The following UQCRFS1 variants were observed in gnomAD, a reference collection of about 807,000 sequenced individuals.
UQCRFS1 encodes the protein ubiquinol-cytochrome c reductase, Rieske iron-sulfur polypeptide 1, also known as cytochrome b-c1 complex subunit Rieske, mitochondrial.
UQCRFS1 carries 6 observed loss-of-function variants against 15.6 expected under a neutral mutation model. The observed-to-expected ratio is 0.38, with a 90% CI of 0.21 to 0.76. The LOEUF (loss-of-function observed/expected upper bound fraction) is 0.76, where lower values mean the gene tolerates loss of function less well. Ranked by LOEUF, UQCRFS1 falls within the 30% of genes least tolerant of loss-of-function variation. The pLI is 0.44. For missense variants in UQCRFS1, 203 were observed against 366.7 expected, an observed-to-expected ratio of 0.55 and a Z score of 3.65; for synonymous variants, 105 against 154.3, an observed-to-expected ratio of 0.68 and a Z score of 2.37.
intron 1 of UQCRFS1, among the ~76,000 whole-genome samples, chr19:29,210,444 C>T (rs1053566790): frequency 6.6e-6 from 1 of 151,874 alleles, no homozygotes; most frequent in East Asian, 1.9e-4. Flanking sequence ...ATGTGCCATG[C>T]TGGTGTGCTG....
chr19:29,211,736 A>T (rs1976652425), intron 1 of UQCRFS1, among the ~76,000 whole-genome samples: 1 of 152,242 alleles, frequency 6.6e-6, no homozygotes, highest in Admixed American at 6.5e-5. Context: ...ACATGTAGCA[A>T]CTTAGTGGAA....
Position 29,208,020 on chromosome 19 carries a change from G to A in UQCRFS1, c.353C>T (p.Thr118Ile). The change falls in exon 2 of 2, where the codon ACT (threonine) becomes ATT (isoleucine). Residue 118 changes from threonine to isoleucine, a missense_variant. By Grantham distance (89) the Thr-to-Ile change is moderately conservative. Around this residue, in one of 3 missense-constraint regions of UQCRFS1, gnomAD observed 92 missense variants for 120.5 expected, o/e 0.76. Coordinates refer to ENST00000304863, the MANE Select transcript of UQCRFS1 (RefSeq NM_006003.3). ...TGCGACACCCACAGTAGTTACTCCA[G>A]TTACCAAATAGGAGAAACCTTTCCT... ...EARKGFSYLVTGVTTVGVAYA... is the reference protein window; with the variant it reads ...EARKGFSYLVIGVTTVGVAYA... 6.2e-7 allele frequency: 1 copy of A among 1,614,038 alleles called. No homozygotes were observed. Among genetic ancestry groups the A allele is most frequent in the Non-Finnish European group, 8.5e-7 (1 of 1,179,882 alleles).
chr19:29,212,321 C>T (rs1479259246), intron 1 of UQCRFS1, among the ~76,000 whole-genome samples: 1 of 151,770 alleles, frequency 6.6e-6, no homozygotes, highest in Non-Finnish European at 1.5e-5. Context: ...AATCTCTGCC[C>T]GTCCTTGACG....
At position 29,205,599 on chromosome 19, in the gene UQCRFS1, A is replaced by G. The variant is rs539892192; in HGVS notation, c.*1949T>C. ...ATAATGAAAACACTTGGCTCTCAAG[A>G]TTGTCCCAAGAATTATCCCCAATAA... On this transcript the variant is annotated 3_prime_UTR_variant, in exon 2 of 2. Coordinates refer to ENST00000304863, the MANE Select transcript of UQCRFS1 (RefSeq NM_006003.3). 6.6e-6 allele frequency: 1 copy of G among 152,250 alleles called. No individual in the cohort carries two copies. The highest frequency in any genetic ancestry group is 1.5e-5 in the Non-Finnish European group (1 of 68,046). The allele number at this position is 152,250 out of a possible 1,614,324, so 9.4% of individuals were successfully genotyped here. A position where few individuals can be genotyped will look rare whatever the true frequency, so the allele number is the denominator to read the frequency against.
intron 1 of UQCRFS1, among the ~76,000 whole-genome samples, chr19:29,209,010 G>A (rs945445873): frequency 3.9e-5 from 6 of 152,062 alleles, no homozygotes; most frequent in African/African-American, 1.4e-4. Context: ...CTCAACTGGG[G>A]CACTTCTAGT....
intron 1 of UQCRFS1, among the ~76,000 whole-genome samples, chr19:29,211,617 T>C (rs1976650231): frequency 6.6e-6 from 1 of 152,176 alleles, no homozygotes; most frequent in Non-Finnish European, 1.5e-5. Flanking sequence ...ATAAACACAA[T>C]ACAGAGTGTA....
Position 29,206,782 on chromosome 19 carries a change from T to C in UQCRFS1, c.*766A>G, listed in dbSNP as rs987841902. Reference sequence around the variant, plus strand: ...TCCTGATAGAGTGGATGCAGGAACTTTGGGGACATGATGAACCACACACAA... The same window carrying C: ...TCCTGATAGAGTGGATGCAGGAACTCTGGGGACATGATGAACCACACACAA... On this transcript the variant is annotated 3_prime_UTR_variant, in exon 2 of 2. Transcript: ENST00000304863. 5.3e-5 allele frequency: 8 copies of C among 152,176 alleles called. No individual in the cohort carries two copies. The highest frequency in any genetic ancestry group is 1.0e-4 in the Non-Finnish European group (7 of 68,028). The allele number at this position is 152,176 out of a possible 1,614,324, so 9.4% of individuals were successfully genotyped here. A position where few individuals can be genotyped will look rare whatever the true frequency, so the allele number is the denominator to read the frequency against.
chr19:29,209,386 T>C (rs1373243255), intron 1 of UQCRFS1, among the ~76,000 whole-genome samples: 1 of 152,210 alleles, frequency 6.6e-6, no homozygotes, highest in Non-Finnish European at 1.5e-5. Context: ...TACTAGGATA[T>C]CATCCTAATA....
In UQCRFS1 at chr19:29,213,082, G is replaced by C; in HGVS notation, c.37C>G (p.Pro13Ala). 1 of 1,495,624 alleles carries C rather than the reference G, an allele frequency of 6.7e-7. No homozygotes were observed. Among genetic ancestry groups the C allele is most frequent in the Non-Finnish European group, 8.8e-7 (1 of 1,131,150 alleles). 92.6% of individuals were successfully genotyped at this position (1,495,624 alleles called of 1,614,324 possible). The change falls in exon 1 of 2, where the codon CCC becomes GCC. Residue 13 changes from proline (P) to alanine (A), a missense_variant. Around this residue, in one of 3 missense-constraint regions of UQCRFS1, gnomAD observed 20 missense variants for 59.3 expected, o/e 0.34. Coordinates refer to ENST00000304863, the MANE Select transcript of UQCRFS1 (RefSeq NM_006003.3). Reference sequence around the variant, plus strand: ...CCGCGGGACGTGGCCGACAGGACGGGCGCGAACGGGCCTGAGCGGGATGCT... The same window carrying C: ...CCGCGGGACGTGGCCGACAGGACGGCCGCGAACGGGCCTGAGCGGGATGCT... ...SVASRSGPFA[P>A]VLSATSRGVA... is the part of the protein sequence containing the mutation.
In UQCRFS1 at chr19:29,207,653, C is replaced by T. The variant is rs1453239119; in HGVS notation, c.720G>A (p.Gly240=). The change falls in exon 2 of 2, where the codon GGG becomes GGA. Residue 240 remains glycine (G), a synonymous_variant. Coordinates refer to ENST00000304863, the MANE Select transcript of UQCRFS1 (RefSeq NM_006003.3). The part of the protein sequence containing the change: ...DFGGYYCPCH[G]SHYDASGRIR... ...TCCTGCCAGATGCATCATAGTGTGACCCATGGCAAGGGCAGTAATAACCAC... is the reference window on the plus strand; with the variant it reads ...TCCTGCCAGATGCATCATAGTGTGATCCATGGCAAGGGCAGTAATAACCAC... 1.2e-6 allele frequency: 2 copies of T among 1,613,840 alleles called. No homozygotes were observed. Among genetic ancestry groups the T allele is most frequent in the Non-Finnish European group, 1.7e-6 (2 of 1,179,878 alleles).
rs1411646991 is a variant in UQCRFS1 at position 29,206,562 on chromosome 19, G to A, written c.*986C>T. On this transcript the variant is annotated 3_prime_UTR_variant, in exon 2 of 2. Transcript: ENST00000304863. ...TGGACCTTAGTCTTGTTTCACCTGT[G>A]TAATTGGAGGCAGAATAGGATGTGA... 6.6e-6 allele frequency: 1 copy of A among 152,218 alleles called. No homozygotes were observed. The highest frequency in any genetic ancestry group is 1.5e-5 in the Non-Finnish European group (1 of 68,046). 9.4% of individuals were successfully genotyped at this position (152,218 alleles called of 1,614,324 possible).
chr19:29,210,661 C>A (rs1302543730), intron 1 of UQCRFS1, among the ~76,000 whole-genome samples: 1 of 152,122 alleles, frequency 6.6e-6, no homozygotes, highest in Non-Finnish European at 1.5e-5. Context: ...TTTCCAATTT[C>A]ATCCATGTCC....
chr19:29,211,949 T>A (rs1484232556), intron 1 of UQCRFS1, among the ~76,000 whole-genome samples: 1 of 152,184 alleles, frequency 6.6e-6, no homozygotes, highest in African/African-American at 2.4e-5. Context: ...GGGCGGCCAC[T>A]ACACAGCACA....
chr19:29,211,345 C>A (rs62109286), intron 1 of UQCRFS1, among the ~76,000 whole-genome samples: 2 of 152,180 alleles, frequency 1.3e-5, no homozygotes, highest in Non-Finnish European at 2.9e-5. Flanking sequence ...TTTAGCAACA[C>A]GACGAATTCC....
At chr19:29,211,915 G>A (rs921367238) in intron 1 of UQCRFS1, among the ~76,000 whole-genome samples, 1 of 152,220 alleles carries the variant, frequency 6.6e-6, no homozygotes, top group Admixed American at 6.5e-5. Context: ...ACAAACTGGA[G>A]AAGACCACTT....
At chr19:29,212,776 T>A in intron 1 of UQCRFS1, 129 bp downstream of exon 1, 1 of 1,011,642 alleles carries the variant, frequency 9.9e-7, no homozygotes, top group Non-Finnish European at 1.3e-6. Context: ...AGGCCCAGAG[T>A]TGCGGAGGCC....
intron 1 of UQCRFS1, among the ~76,000 whole-genome samples, chr19:29,208,575 A>T (rs917483784): frequency 2.6e-5 from 4 of 152,220 alleles, no homozygotes; most frequent in Non-Finnish European, 5.9e-5. Context: ...TACTCTCTGG[A>T]TTAGAAGGAC....
chr19:29,208,057 T>A lies in UQCRFS1; in HGVS notation c.316A>T (p.Ser106Cys). The change falls in exon 2 of 2, where the codon AGC becomes TGC. Residue 106 changes from serine to cysteine, a missense_variant. By Grantham distance (112) the Ser-to-Cys change is moderately radical (BLOSUM62 -1). Coordinates refer to ENST00000304863, the MANE Select transcript of UQCRFS1 (RefSeq NM_006003.3). Reference sequence around the variant, plus strand: ...GAGAAACCTTTCCTAGCCTCGCTGCTTTCTCTTGAAGACTTCGTACTATCT... The same window carrying A: ...GAGAAACCTTTCCTAGCCTCGCTGCATTCTCTTGAAGACTTCGTACTATCT... ...VLDSTKSSRE[S>C]SEARKGFSYL... is the part of the protein sequence containing the mutation. 1 of 1,614,082 alleles carries A rather than the reference T, an allele frequency of 6.2e-7. No individual in the cohort carries two copies. Among genetic ancestry groups the A allele is most frequent in the Non-Finnish European group, 8.5e-7 (1 of 1,179,930 alleles).
At chr19:29,211,635 T>C (rs951889945) in intron 1 of UQCRFS1, among the ~76,000 whole-genome samples, 4 of 152,210 alleles carry the variant, frequency 2.6e-5, no homozygotes, top group African/African-American at 9.7e-5. Context: ...GTAAAGTGTA[T>C]GTGCTACAGA....
Sources: gnomAD v4.1 joint callset for allele counts (sites outside exome capture counted in the v4.1 genomes callset) on GRCh38, gnomAD v4.1.1 for gene constraint, gnomAD v4.1.1 regional missense constraint, MANE v1.5 for transcripts, NCBI Gene and HGNC (gene_info 2026-07-23, HGNC 2026-07-21) for gene names.